Variants in PLGRKT observed in about 807,000 individuals in gnomAD.
The protein encoded by PLGRKT is plasminogen receptor (KT).
A neutral mutation model predicts 18.5 loss-of-function variants in PLGRKT; 22 were observed. That is an observed-to-expected ratio of 1.19 (90% confidence interval 0.85 to 1.70). PLGRKT has a LOEUF of 1.70. PLGRKT is among the 40% of genes most tolerant of loss of function. The pLI, the probability that PLGRKT is intolerant of heterozygous loss-of-function variation, is 0.00. For missense variants in PLGRKT, 235 were observed against 174.4 expected (o/e 1.35, Z -1.96); for synonymous variants, 72 against 52.8 (o/e 1.36, Z -1.58).
At chr9:5,389,588 G>C (rs1163636566) in intron 3 of PLGRKT, among the ~76,000 whole-genome samples, 2 of 151,900 alleles carry the variant, frequency 1.3e-5, no homozygotes, top group South Asian at 2.1e-4. Flanking sequence ...GGTGGGCAGA[G>C]AGGAGTAACT....
chr9:5,364,279 A>T (rs1458487214), intron 3 of PLGRKT, among the ~76,000 whole-genome samples: 1 of 152,166 alleles, frequency 6.6e-6, no homozygotes, highest in Non-Finnish European at 1.5e-5. Context: ...CGTCACCTGA[A>T]ATGAAAGACT....
At chr9:5,417,270 C>G (rs1473821808) in intron 3 of PLGRKT, among the ~76,000 whole-genome samples, 1 of 152,140 alleles carries the variant, frequency 6.6e-6, no homozygotes, top group African/African-American at 2.4e-5. Flanking sequence ...TGTACAGTGT[C>G]TAGCTTCGGT....
intron 3 of PLGRKT, among the ~76,000 whole-genome samples, chr9:5,412,392 C>T (rs1586734841): frequency 6.6e-6 from 1 of 152,224 alleles, no homozygotes; most frequent in Admixed American, 6.5e-5. Flanking sequence ...GTGTGGGAAA[C>T]TTAATCCTTT....
intron 3 of PLGRKT, among the ~76,000 whole-genome samples, chr9:5,390,071 C>A (rs1586719689): frequency 6.6e-6 from 1 of 151,654 alleles, no homozygotes; most frequent in Non-Finnish European, 1.5e-5. Flanking sequence ...TCAAAGGAAC[C>A]AATGCAGGCC....
intron 3 of PLGRKT, among the ~76,000 whole-genome samples, chr9:5,373,786 A>T (rs1817574884): frequency 6.6e-6 from 1 of 152,104 alleles, no homozygotes; most frequent in Non-Finnish European, 1.5e-5. Flanking sequence ...TCAAAAAAGA[A>T]AAAGAAGAAA....
intron 3 of PLGRKT, among the ~76,000 whole-genome samples, chr9:5,409,482 A>G (rs933335358): frequency 1.6e-4 from 25 of 152,156 alleles, no homozygotes; most frequent in African/African-American, 5.8e-4. Flanking sequence ...TAGCCTGCAG[A>G]TGGCCTATTG....
chr9:5,368,238 T>A (rs1817438330), intron 3 of PLGRKT, among the ~76,000 whole-genome samples: 1 of 152,186 alleles, frequency 6.6e-6, no homozygotes, highest in Non-Finnish European at 1.5e-5. Context: ...TGGGTATATA[T>A]CCAAAAGAAA....
In PLGRKT at chr9:5,418,334, T is replaced by G. The variant is rs10815214; in HGVS notation, c.81+13563A>C. 1.1e-5 allele frequency: 7 copies of G among 624,278 alleles called. No individual in the cohort carries two copies. The East Asian group carries it at 2.3e-4, about 21-fold the overall frequency. 38.7% of individuals were successfully genotyped at this position (624,278 alleles called of 1,614,324 possible). On this transcript the variant is annotated intron_variant, in intron 3 of 5. Coordinates refer to ENST00000223864, the MANE Select transcript of PLGRKT (RefSeq NM_018465.4). This position sits in a 1 kb window ranked among gnomAD's most constrained non-coding sequence, Gnocchi z 4.2. ...ATCACCAATGTGCTCAACCCCTAAG[T>G]TGGCACCCACAAGAGACTTCCCTGC...
intron 2 of PLGRKT, among the ~76,000 whole-genome samples, chr9:5,436,300 G>T (rs949025947): frequency 6.6e-6 from 1 of 152,206 alleles, no homozygotes; most frequent in East Asian, 1.9e-4. Context: ...AGAGATACAA[G>T]AAAAACTGTG....
In PLGRKT at chr9:5,361,111, A is replaced by G; in HGVS notation, c.289T>C (p.Leu97=). 6.2e-7 allele frequency: 1 copy of G among 1,605,096 alleles called. No homozygotes were observed. The change falls in exon 5 of 6, where the codon TTG becomes CTG. Residue 97 remains leucine, a synonymous_variant. Coordinates refer to ENST00000223864, the MANE Select transcript of PLGRKT (RefSeq NM_018465.4). ...CTTTCTAAAAGGGTTCCATAGCCCA[A>G]GTCATACTGGTAGGTGAGGATAAAG... ...LSFILTYQYD[L]GYGTLLERMK...
At chr9:5,378,636 G>T (rs1270591940) in intron 3 of PLGRKT, among the ~76,000 whole-genome samples, 1 of 152,118 alleles carries the variant, frequency 6.6e-6, no homozygotes, top group African/African-American at 2.4e-5. Flanking sequence ...TAATTGAGTT[G>T]TACACTTTAA....
intron 3 of PLGRKT, among the ~76,000 whole-genome samples, chr9:5,407,396 C>T (rs529173300): frequency 1.3e-5 from 2 of 152,238 alleles, no homozygotes; most frequent in East Asian, 3.9e-4. Flanking sequence ...CTAAATTGTT[C>T]TTCTTCCAAG....
At chr9:5,358,421 G>A in intron 5 of PLGRKT, 61 bp from the exon 6 acceptor site, 2 of 1,492,118 alleles carry the variant, frequency 1.3e-6, no homozygotes, top group South Asian at 1.1e-5. Flanking sequence ...TTGTGACAAA[G>A]CCTGATTGCT....
chr9:5,373,102 T>A (rs1027065206), intron 3 of PLGRKT, among the ~76,000 whole-genome samples: 2 of 152,182 alleles, frequency 1.3e-5, no homozygotes, highest in Admixed American at 1.3e-4. Context: ...ATATAATTAG[T>A]GCAAGAATTT....
At chr9:5,363,672 A>G (rs1405225940) in intron 3 of PLGRKT, among the ~76,000 whole-genome samples, 1 of 152,150 alleles carries the variant, frequency 6.6e-6, no homozygotes, top group Non-Finnish European at 1.5e-5. Context: ...CCCCAGATGC[A>G]TCTGGCTAGA....
chr9:5,366,175 A>G (rs1817382775), intron 3 of PLGRKT, among the ~76,000 whole-genome samples: 1 of 152,160 alleles, frequency 6.6e-6, no homozygotes, highest in South Asian at 2.1e-4. Context: ...TTCAATAACC[A>G]TAAAGGGATA....
intron 3 of PLGRKT, among the ~76,000 whole-genome samples, chr9:5,403,003 G>C (rs559218534): frequency 6.6e-6 from 1 of 151,762 alleles, no homozygotes; most frequent in Non-Finnish European, 1.5e-5. Context: ...AACCCTAGCA[G>C]GAAAAATAGT....
At chr9:5,387,460 C>T (rs1163269540) in intron 3 of PLGRKT, among the ~76,000 whole-genome samples, 1 of 151,684 alleles carries the variant, frequency 6.6e-6, no homozygotes, top group Non-Finnish European at 1.5e-5. Flanking sequence ...TACTATAAAA[C>T]ATGGAAAAAA....
In PLGRKT at chr9:5,386,599, T is replaced by C. The variant is rs567147066; in HGVS notation, c.82-24711A>G. On this transcript the variant is annotated intron_variant, in intron 3 of 5. Coordinates refer to ENST00000223864, the MANE Select transcript of PLGRKT (RefSeq NM_018465.4). Reference sequence around the variant, plus strand: ...GGCCATATAATCAACACAGGCACTATAGAGGCCAAAGAGAAATGTGACTCT... The same window carrying C: ...GGCCATATAATCAACACAGGCACTACAGAGGCCAAAGAGAAATGTGACTCT... Among the ~76,000 whole-genome samples, 7 of 151,996 alleles carry C rather than the reference T, an allele frequency of 4.6e-5. No individual in the cohort carries two copies. In the South Asian group the frequency reaches 8.3e-4, roughly 18 times the overall value.
Sources: allele counts gnomAD v4.1 joint callset (sites outside exome capture counted in the v4.1 genomes callset), GRCh38; gene constraint gnomAD v4.1.1; non-coding constraint Gnocchi (gnomAD v3.1); transcripts MANE v1.5; gene names NCBI Gene and HGNC (gene_info 2026-07-23, HGNC 2026-07-21).